Variants in ARHGEF11 observed in about 807,000 individuals in gnomAD.
ARHGEF11 encodes Rho guanine nucleotide exchange factor 11.
Under a neutral mutation model 193.7 loss-of-function variants are expected in ARHGEF11, and 55 were observed. That is an observed-to-expected ratio of 0.28 (90% CI 0.23 to 0.36). The LOEUF is 0.36. ARHGEF11 is among the 10% of genes least tolerant of loss of function. The pLI, the probability that ARHGEF11 is intolerant of heterozygous loss-of-function variation, is 1.00. For synonymous variants in ARHGEF11, 693 were observed against 768.0 expected (o/e 0.90, Z 1.62); for missense variants, 1,723 against 2,005.6 (o/e 0.86, Z 2.69).
At chr1:157,039,265 C>T (rs1672440533) in intron 1 of ARHGEF11, among the ~76,000 whole-genome samples, 1 of 152,188 alleles carries the variant, frequency 6.6e-6, no homozygotes, top group South Asian at 2.1e-4. Context: ...GTTTCAGAGG[C>T]TGAAAGAACG....
In ARHGEF11 at chr1:156,948,231, G is replaced by A; in HGVS notation, c.2106-3C>T. The A allele has an allele frequency of 6.3e-7, 1 of 1,592,714 alleles. No individual in the cohort carries two copies. Among genetic ancestry groups the A allele is most frequent in the Non-Finnish European group, 8.6e-7 (1 of 1,166,342 alleles). Reference sequence around the variant, plus strand: ...GAGGGGTTGGGTTCTCAAGAGACCTGTGGAGGGAATGTCAACTCTCAGCAA... The same window carrying A: ...GAGGGGTTGGGTTCTCAAGAGACCTATGGAGGGAATGTCAACTCTCAGCAA... On this transcript the variant is annotated splice_polypyrimidine_tract_variant and splice_region_variant and intron_variant, in intron 23 of 40. Transcript: ENST00000368194. The surrounding 1 kb of genome is among the most constrained non-coding windows in gnomAD (Gnocchi z 4.2).
At position 157,020,440 on chromosome 1, in the gene ARHGEF11, C is replaced by A. The variant is rs147530213; in HGVS notation, c.32+23859G>T. Among the ~76,000 whole-genome samples the A allele has an allele frequency of 8.5e-5, 13 of 152,210 alleles. No homozygotes were observed. In the East Asian group the frequency reaches 2.5e-3, roughly 29 times the overall value. On this transcript the variant is annotated intron_variant, in intron 1 of 40. Coordinates refer to ENST00000368194, the MANE Select transcript of ARHGEF11 (RefSeq NM_198236.3). ...TTTTTAGTGGTAATATAAGGCTGTCCCAAAACATTCTGTTTATTGTCCAGG... is the reference window on the plus strand; with the variant it reads ...TTTTTAGTGGTAATATAAGGCTGTCACAAAACATTCTGTTTATTGTCCAGG...
rs1267633056 is a variant in ARHGEF11 at position 156,947,461 on chromosome 1, G to A, written c.2342-11C>T. 1 of 1,585,912 alleles carries A rather than the reference G, an allele frequency of 6.3e-7. No individual in the cohort carries two copies. The highest frequency in any genetic ancestry group is 8.6e-7 in the Non-Finnish European group (1 of 1,168,486). On this transcript the variant is annotated splice_polypyrimidine_tract_variant and intron_variant, in intron 25 of 40. Transcript: ENST00000368194. ...CAGTCACAAACAGCTCTGAGCGGTG[G>A]TTGTGACAAGGAGGGTAGAAAGCCA...
chr1:156,950,604 C>T (rs966659343), intron 22 of ARHGEF11, among the ~76,000 whole-genome samples: 4 of 152,056 alleles, frequency 2.6e-5, no homozygotes, highest in African/African-American at 7.2e-5. Flanking sequence ...TGCACCACTG[C>T]AATCCAGCCT....
rs5778015 is a variant in ARHGEF11, at chr1:156,944,448, CCATT to C, written c.2992-19_2992-16del. On this transcript the variant is annotated splice_polypyrimidine_tract_variant and intron_variant, in intron 30 of 40. Transcript: ENST00000368194. ...AGATCCAGGCTCTGTTAAGGAGACA[CCATT>C]CATTCATTCATTCATTCATTCATTC... The C allele has an allele frequency of 0.36, 544,535 of 1,502,418 alleles. 102,926 individuals are homozygous for C. Among genetic ancestry groups the C allele is most frequent in the Admixed American group, 0.52 (30,510 of 58,720 alleles). The allele number at this position is 1,502,418 out of a possible 1,614,324, so 93.1% of individuals were successfully genotyped here.
rs1655519805 is a variant in ARHGEF11, at chr1:156,936,966, C to G, written c.4480G>C (p.Gly1494Arg). ...LAHRELLKSL[G>R]GESSGGTTPV... ...GTGGTGCCACCAGATGACTCTCCCC[C>G]AAGGGACTTGAGCAGCTCTCTGTGG... The change falls in exon 40 of 41, where the codon GGG (glycine) becomes CGG (arginine). Residue 1494 changes from glycine (G) to arginine (R), a missense_variant. Physicochemically the swap from Gly to Arg is moderately radical, Grantham distance 125. Coordinates refer to ENST00000368194, the MANE Select transcript of ARHGEF11 (RefSeq NM_198236.3). 6.2e-7 allele frequency: 1 copy of G among 1,614,150 alleles called. No individual in the cohort carries two copies. Among genetic ancestry groups the G allele is most frequent in the Non-Finnish European group, 8.5e-7 (1 of 1,179,998 alleles).
chr1:156,963,768 C>T, intron 11 of ARHGEF11, 174 bp from the exon 12 acceptor site: 2 of 1,431,202 alleles, frequency 1.4e-6, no homozygotes, highest in African/African-American at 1.4e-5. Flanking sequence ...ATGATTTCCA[C>T]TTGCAGGAAG....
rs1553199022 is a variant in ARHGEF11 at position 156,947,662 on chromosome 1, A to AG, written c.2341+106dup. 3 of 1,449,852 alleles carry AG rather than the reference A, an allele frequency of 2.1e-6. No homozygotes were observed. In the Admixed American group the frequency reaches 6.2e-5, roughly 30 times the overall value. 89.8% of individuals were successfully genotyped at this position (1,449,852 alleles called of 1,614,324 possible). ...GCAATGTGGACCTGCTCCAGCACACAGGGGCCCCCCACCCTATTTACCTCT... is the reference window on the plus strand; with the variant it reads ...GCAATGTGGACCTGCTCCAGCACACAGGGGGCCCCCCACCCTATTTACCTCT... On this transcript the variant is annotated intron_variant, in intron 25 of 40. Coordinates refer to ENST00000368194, the MANE Select transcript of ARHGEF11 (RefSeq NM_198236.3).
intron 39 of ARHGEF11, 104 bp from the exon 40 acceptor site, chr1:156,937,109 G>A (rs888125108): frequency 1.1e-5 from 17 of 1,566,586 alleles, no homozygotes; most frequent in Non-Finnish European, 1.5e-5. Flanking sequence ...TGATTTAAGG[G>A]TGGCTGGGCG....
At chr1:157,046,386 G>T (rs943847442), upstream of ARHGEF11, among the ~76,000 whole-genome samples, 8 of 152,214 alleles carry the variant, frequency 5.3e-5, no homozygotes, top group African/African-American at 9.6e-5. Flanking sequence ...GCCCACGGGT[G>T]CAGGTTTACC....
intron 1 of ARHGEF11, among the ~76,000 whole-genome samples, chr1:156,989,974 C>A (rs181291638): frequency 6.6e-6 from 1 of 152,156 alleles, no homozygotes; most frequent in African/African-American, 2.4e-5. Context: ...AACCACAATG[C>A]CATCAGCACA....
Position 156,946,984 on chromosome 1 carries a change from C to T in ARHGEF11, c.2520G>A (p.Arg840=). Reference sequence around the variant, plus strand: ...TCTCTTTGATGATGGGGCCTTCCTCCCGGAGCTTCTTCATGGCTTCACACC... The same window carrying T: ...TCTCTTTGATGATGGGGCCTTCCTCTCGGAGCTTCTTCATGGCTTCACACC... The part of the protein sequence containing the change: ...NSWCEAMKKL[R]EEGPIIKEIS... The change falls in exon 27 of 41, where the codon CGG becomes CGA. Residue 840 remains arginine, a synonymous_variant. Transcript: ENST00000368194. The T allele has an allele frequency of 1.2e-6, 2 of 1,614,134 alleles. No individual in the cohort carries two copies. Among genetic ancestry groups the T allele is most frequent in the Non-Finnish European group, 1.7e-6 (2 of 1,180,030 alleles).
intron 40 of ARHGEF11, among the ~76,000 whole-genome samples, chr1:156,936,493 AAAAAAT>A (rs1448555053): frequency 1.3e-3 from 79 of 62,398 alleles, no homozygotes; most frequent in African/African-American, 4.9e-3. Flanking sequence ...AAAAAAAAAA[AAAAAAT>A]ATATATATAT....
intron 11 of ARHGEF11, 158 bp downstream of exon 11, chr1:156,967,828 CT>C (rs1571288621): frequency 1.1e-6 from 1 of 879,896 alleles, no homozygotes; most frequent in Non-Finnish European, 1.8e-6. Context: ...TGTTCTCTTT[CT>C]TTACTATTTG....
At chr1:156,968,253 G>T in intron 10 of ARHGEF11, 129 bp from the exon 11 acceptor site, 2 of 1,034,276 alleles carry the variant, frequency 1.9e-6, no homozygotes, top group Non-Finnish European at 2.8e-6. Flanking sequence ...CTTGCTCTGT[G>T]CCTGGTATTA....
At chr1:156,936,496 AAATATATATATATAT>A (rs1409050557) in intron 40 of ARHGEF11, among the ~76,000 whole-genome samples, 2 of 77,720 alleles carry the variant, frequency 2.6e-5, no homozygotes, top group Non-Finnish European at 4.7e-5. Context: ...AAAAAAAAAA[AAATATATATATATAT>A]ATATATATAT....
intron 37 of ARHGEF11, chr1:156,938,721 G>A (rs994008117): frequency 1.9e-6 from 1 of 513,874 alleles, no homozygotes. Flanking sequence ...GAGAAGGAAG[G>A]TCAGTTCCCA....
chr1:156,959,155 A>G lies in ARHGEF11; in HGVS notation c.1283-13T>C, dbSNP rs770716600. 1 of 1,613,118 alleles carries G rather than the reference A, an allele frequency of 6.2e-7. No homozygotes were observed. The highest frequency in any genetic ancestry group is 2.2e-5 in the East Asian group (1 of 44,860). On this transcript the variant is annotated splice_polypyrimidine_tract_variant and intron_variant, in intron 15 of 40. Coordinates refer to ENST00000368194, the MANE Select transcript of ARHGEF11 (RefSeq NM_198236.3). Reference sequence around the variant, plus strand: ...CGCAGGCGCGAGTCTGTAGTGGGAGATCAGAGAAAGCAGAGTGGATGGGGT... The same window carrying G: ...CGCAGGCGCGAGTCTGTAGTGGGAGGTCAGAGAAAGCAGAGTGGATGGGGT...
Position 156,947,411 on chromosome 1 carries a change from C to T in ARHGEF11, c.2381G>A (p.Arg794Gln), listed in dbSNP as rs774378017. The T allele has an allele frequency of 1.9e-6, 3 of 1,613,432 alleles. No individual in the cohort carries two copies. Among genetic ancestry groups the T allele is most frequent in the Non-Finnish European group, 2.5e-6 (3 of 1,179,762 alleles). The stretch of plus-strand genomic sequence containing the variant: ...CTGGTAGAAGATCAGGTCCAGGACC[C>T]GGAGTGTGCGCAGGTGGGAAGCTTC... ...VTEASHLRTL[R>Q]VLDLIFYQRM... Residue 794 changes from arginine (R) to glutamine (Q), a missense_variant, in exon 26 of 41, where the codon CGG (arginine) becomes CAG (glutamine). Physicochemically the swap from Arg to Gln is conservative, Grantham distance 43. Transcript: ENST00000368194.
Sources: allele counts gnomAD v4.1 joint callset (sites outside exome capture counted in the v4.1 genomes callset), GRCh38; gene constraint gnomAD v4.1.1; non-coding constraint Gnocchi (gnomAD v3.1); transcripts MANE v1.5; gene names NCBI Gene and HGNC (gene_info 2026-07-23, HGNC 2026-07-21).